ZNF148: variants seen among roughly 807,000 people sequenced by gnomAD.
ZNF148 encodes Beta-Enolase Repressor Factor-1.
In ZNF148, 7 loss-of-function variants were observed where a neutral mutation model predicts 67.7. That is an observed-to-expected ratio of 0.10 (90% CI 0.06 to 0.19). The LOEUF is 0.19. ZNF148 is among the 10% of genes least tolerant of loss of function. ZNF148 has a pLI of 1.00. For missense variants in ZNF148, 583 were observed against 947.1 expected, an observed-to-expected ratio of 0.62 and a Z score of 5.05; for synonymous variants, 333 against 330.7, an observed-to-expected ratio of 1.01 and a Z score of -0.08.
chr3:125,238,380 C>T (rs142676270), intron 7 of ZNF148, among the ~76,000 whole-genome samples: 380 of 152,242 alleles, frequency 2.5e-3, no homozygotes, highest in African/African-American at 9.0e-3. Flanking sequence ...GTAATCTCAA[C>T]ACTTTGGGAG....
At chr3:125,259,162 T>C (rs1010615773) in intron 7 of ZNF148, among the ~76,000 whole-genome samples, 2 of 151,944 alleles carry the variant, frequency 1.3e-5, no homozygotes, top group Admixed American at 1.3e-4. Context: ...CTCTCAAAAA[T>C]CAACAATAAG....
intron 3 of ZNF148, among the ~76,000 whole-genome samples, chr3:125,321,637 A>G (rs1005230801): frequency 4.6e-5 from 7 of 152,158 alleles, no homozygotes; most frequent in African/African-American, 1.7e-4. Flanking sequence ...ACAGTTTAAG[A>G]AACAGCTATA....
At chr3:125,344,571 A>C (rs1055826987) in intron 1 of ZNF148, 38 of 923,468 alleles carry the variant, frequency 4.1e-5, no homozygotes, top group Non-Finnish European at 6.3e-5. Flanking sequence ...CTCCTCCTCC[A>C]CCATTTAATC....
chr3:125,358,801 G>C (rs1942448404), intron 1 of ZNF148, among the ~76,000 whole-genome samples: 1 of 152,112 alleles, frequency 6.6e-6, no homozygotes, highest in Admixed American at 6.5e-5. Context: ...CTGCAGAACA[G>C]CAAGTGTGCA....
intron 1 of ZNF148, among the ~76,000 whole-genome samples, chr3:125,356,651 A>C (rs549262497): frequency 2.0e-5 from 3 of 152,350 alleles, no homozygotes; most frequent in Admixed American, 6.5e-5. Context: ...AATTTTGCAA[A>C]ATTCTTCATG....
Position 125,228,770 on chromosome 3 carries a change from C to T in ZNF148, c.*3571G>A, listed in dbSNP as rs1283716554. ...TTGTCAAGACACGTTTATATATAAA[C>T]TCTAACTGTGCAGAATTAAAGATTC... On this transcript the variant is annotated 3_prime_UTR_variant, in exon 9 of 9. Transcript: ENST00000360647. The T allele has an allele frequency of 6.6e-6, 1 of 152,542 alleles. No homozygotes were observed. Among genetic ancestry groups the T allele is most frequent in the Non-Finnish European group, 1.5e-5 (1 of 67,996 alleles). 9.4% of individuals were successfully genotyped at this position (152,542 alleles called of 1,614,324 possible).
At chr3:125,355,488 T>C (rs1386099425) in intron 1 of ZNF148, among the ~76,000 whole-genome samples, 1 of 152,214 alleles carries the variant, frequency 6.6e-6, no homozygotes, top group East Asian at 1.9e-4. Flanking sequence ...TTGCATTCGA[T>C]TTAAAATGTC....
rs1935903436 is a variant in ZNF148 at position 125,232,602 on chromosome 3, T to C, written c.2124A>G (p.Gln708=). The change falls in exon 9 of 9, where the codon CAA becomes CAG. Residue 708 remains glutamine (Q), a synonymous_variant. Coordinates refer to ENST00000360647, the MANE Select transcript of ZNF148 (RefSeq NM_021964.3). This position sits in a 1 kb window ranked among gnomAD's most constrained non-coding sequence, Gnocchi z 4.2. ...CCTCAGCTTTCTTCTGAGAAGTCAC[T>C]TGATCCAGAAAGTCCTGTGTTGATG... is the stretch of plus-strand genomic sequence containing the variant. ...SATSTQDFLD[Q]VTSQKKAEAQ... 6.2e-7 allele frequency: 1 copy of C among 1,613,812 alleles called. No individual in the cohort carries two copies. Among genetic ancestry groups the C allele is most frequent in the African/African-American group, 1.3e-5 (1 of 75,018 alleles).
Position 125,231,198 on chromosome 3 carries a change from C to A in ZNF148, c.*1143G>T, listed in dbSNP as rs1162731932. The A allele has an allele frequency of 1.3e-5, 2 of 152,404 alleles. No homozygotes were observed. Among genetic ancestry groups the A allele is most frequent in the Non-Finnish European group, 2.9e-5 (2 of 67,928 alleles). 9.4% of individuals were successfully genotyped at this position (152,404 alleles called of 1,614,324 possible). A position where few individuals can be genotyped will look rare whatever the true frequency, so the allele number is the denominator to read the frequency against. On this transcript the variant is annotated 3_prime_UTR_variant, in exon 9 of 9. Coordinates refer to ENST00000360647, the MANE Select transcript of ZNF148 (RefSeq NM_021964.3). The stretch of plus-strand genomic sequence containing the variant: ...AAATATGCAATTAAAATGCCCATTT[C>A]TTTAGTTTCTCTGGATACTGTTTAA...
chr3:125,334,161 CG>C (rs1941400130), intron 1 of ZNF148, among the ~76,000 whole-genome samples: 1 of 152,120 alleles, frequency 6.6e-6, no homozygotes, highest in Admixed American at 6.5e-5. Context: ...ACCACCCTTC[CG>C]CTATTTAGTT....
At chr3:125,334,650 A>G (rs948999379) in intron 1 of ZNF148, among the ~76,000 whole-genome samples, 8 of 152,190 alleles carry the variant, frequency 5.3e-5, no homozygotes, top group Non-Finnish European at 1.0e-4. Context: ...TATTGTTATT[A>G]TTCACATTTT....
chr3:125,277,885 A>G, intron 6 of ZNF148, 76 bp from the exon 7 acceptor site: 1 of 1,239,430 alleles, frequency 8.1e-7, no homozygotes, highest in Non-Finnish European at 1.1e-6. Flanking sequence ...TGAGGAAAGA[A>G]AAATCTTAGA....
intron 1 of ZNF148, among the ~76,000 whole-genome samples, chr3:125,338,363 A>G (rs1941580285): frequency 6.6e-6 from 1 of 152,206 alleles, no homozygotes; most frequent in African/African-American, 2.4e-5. Context: ...TTTTTATTAC[A>G]TAAAGTTACT....
At chr3:125,252,879 G>C (rs1250555381) in intron 7 of ZNF148, among the ~76,000 whole-genome samples, 1 of 151,942 alleles carries the variant, frequency 6.6e-6, no homozygotes, top group Non-Finnish European at 1.5e-5. Context: ...TCTGTTTCTG[G>C]AGCAACTGAT....
intron 7 of ZNF148, among the ~76,000 whole-genome samples, chr3:125,249,649 C>G (rs2107544749): frequency 6.6e-6 from 1 of 152,212 alleles, no homozygotes; most frequent in East Asian, 1.9e-4. Context: ...AATAGAACTA[C>G]CATATGATCC....
intron 7 of ZNF148, among the ~76,000 whole-genome samples, chr3:125,237,748 G>A (rs1440267523): frequency 2.0e-5 from 3 of 152,008 alleles, no homozygotes; most frequent in Non-Finnish European, 2.9e-5. Context: ...ACATTAAGAT[G>A]GCAAAACTCC....
chr3:125,319,119 G>T (rs1176142995), intron 3 of ZNF148, among the ~76,000 whole-genome samples: 1 of 152,144 alleles, frequency 6.6e-6, no homozygotes, highest in African/African-American at 2.4e-5. Flanking sequence ...GTGGCAGAGG[G>T]CTACTTAAAA....
At position 125,228,582 on chromosome 3, in the gene ZNF148, C is replaced by A. The variant is rs957907169; in HGVS notation, c.*3759G>T. On this transcript the variant is annotated 3_prime_UTR_variant, in exon 9 of 9. Transcript: ENST00000360647. ...ATATGCCTTCTAACATAAAGCAGTA[C>A]TGTGATTTGTTTGTACATATTTACA... is the stretch of plus-strand genomic sequence containing the variant. The A allele has an allele frequency of 5.9e-5, 9 of 152,574 alleles. No homozygotes were observed. Among genetic ancestry groups the A allele is most frequent in the African/African-American group, 2.2e-4 (9 of 41,440 alleles). 9.5% of individuals were successfully genotyped at this position (152,574 alleles called of 1,614,324 possible). A position where few individuals can be genotyped will look rare whatever the true frequency, so the allele number is the denominator to read the frequency against.
chr3:125,227,302 T>C lies in ZNF148; in HGVS notation c.*5039A>G, dbSNP rs543264463. 1.3e-5 allele frequency: 2 copies of C among 152,738 alleles called. No homozygotes were observed. Among genetic ancestry groups the C allele is most frequent in the African/African-American group, 4.8e-5 (2 of 41,578 alleles). 9.5% of individuals were successfully genotyped at this position (152,738 alleles called of 1,614,324 possible). ...AGGTCAGAAAATGGGATAGGAATAG[T>C]AATACTGTATAATCAGAATATCCTA... On this transcript the variant is annotated 3_prime_UTR_variant, in exon 9 of 9. Transcript: ENST00000360647.
Sources: gnomAD v4.1 joint callset for allele counts (sites outside exome capture counted in the v4.1 genomes callset) on GRCh38, gnomAD v4.1.1 for gene constraint, Gnocchi (gnomAD v3.1) non-coding constraint, MANE v1.5 for transcripts, NCBI Gene and HGNC (gene_info 2026-07-23, HGNC 2026-07-21) for gene names.